The following FIGN variants were observed in gnomAD, a reference collection of about 807,000 sequenced individuals.
FIGN encodes the protein fidgetin, microtubule severing factor.
In FIGN, 11 loss-of-function variants were observed where a neutral mutation model predicts 51.3. The observed-to-expected ratio is 0.21, with a 90% CI of 0.13 to 0.35. The LOEUF (loss-of-function observed/expected upper bound fraction) is 0.35. Among genes scored for constraint, FIGN ranks in the 10% least tolerant of loss-of-function variants. The pLI is 1.00. For missense variants in FIGN, 857 were observed against 943.6 expected (o/e 0.91, Z 1.20); for synonymous variants, 407 against 363.2 (o/e 1.12, Z -1.37).
In FIGN at chr2:163,607,571, G is replaced by A. The variant is rs373124069; in HGVS notation, c.*1981C>T. Reference sequence around the variant, plus strand: ...AGAATTGGATATTGTGGATAAGATCGGTAAAAATTTTTGTAAGAAAAAAAA... The same window carrying A: ...AGAATTGGATATTGTGGATAAGATCAGTAAAAATTTTTGTAAGAAAAAAAA... On this transcript the variant is annotated 3_prime_UTR_variant, in exon 3 of 3. Transcript: ENST00000333129. The A allele has an allele frequency of 1.3e-5, 2 of 152,338 alleles. No homozygotes were observed. Among genetic ancestry groups the A allele is most frequent in the African/African-American group, 2.4e-5 (1 of 41,450 alleles). 9.4% of individuals were successfully genotyped at this position (152,338 alleles called of 1,614,324 possible).
At chr2:163,707,431 C>T (rs1345683746) in intron 2 of FIGN, among the ~76,000 whole-genome samples, 1 of 151,958 alleles carries the variant, frequency 6.6e-6, no homozygotes, top group Non-Finnish European at 1.5e-5. Flanking sequence ...GTAAACTCTG[C>T]CTGATATCAG....
rs139962418 is a variant in FIGN at position 163,700,409 on chromosome 2, G to A, written c.25+34494C>T. 6.7e-3 allele frequency among the ~76,000 whole-genome samples: 1,021 copies of A among 152,162 alleles called. 3 individuals carry two copies. The highest frequency in any genetic ancestry group is 0.01 in the Middle Eastern group (3 of 294). ...AAGAAGGAAGGGGACACTGGGGCAG[G>A]GCTCTGAAATATAGTTTCATAGGAT... On this transcript the variant is annotated intron_variant, in intron 2 of 2. Coordinates refer to ENST00000333129, the MANE Select transcript of FIGN (RefSeq NM_018086.4).
intron 2 of FIGN, among the ~76,000 whole-genome samples, chr2:163,631,416 C>T (rs933318459): frequency 6.6e-6 from 1 of 152,130 alleles, no homozygotes; most frequent in African/African-American, 2.4e-5. Flanking sequence ...AATTAGAATG[C>T]TAAACTATCC....
intron 2 of FIGN, among the ~76,000 whole-genome samples, chr2:163,717,249 G>C (rs1030864413): frequency 6.6e-6 from 1 of 152,148 alleles, no homozygotes; most frequent in Non-Finnish European, 1.5e-5. Context: ...GTTAACTACG[G>C]AATTGAGAAT....
intron 2 of FIGN, among the ~76,000 whole-genome samples, chr2:163,725,678 A>G (rs560691240): frequency 6.6e-6 from 1 of 152,272 alleles, no homozygotes; most frequent in Non-Finnish European, 1.5e-5. Flanking sequence ...TTTACCTATA[A>G]GTTCTTTTTA....
At chr2:163,676,527 T>C (rs1383364903) in intron 2 of FIGN, among the ~76,000 whole-genome samples, 1 of 141,530 alleles carries the variant, frequency 7.1e-6, no homozygotes, top group African/African-American at 2.6e-5. Context: ...AGTTTTATAC[T>C]AATCTAAACC....
intron 2 of FIGN, among the ~76,000 whole-genome samples, chr2:163,650,556 A>G (rs1683456922): frequency 6.6e-6 from 1 of 151,908 alleles, no homozygotes. Context: ...CCAACCCCCA[A>G]CAGGCCCCAG....
chr2:163,704,973 C>T (rs1271546951), intron 2 of FIGN, among the ~76,000 whole-genome samples: 2 of 152,032 alleles, frequency 1.3e-5, no homozygotes, highest in Admixed American at 6.6e-5. Context: ...ATTAAAATAT[C>T]CTCACAGATT....
intron 2 of FIGN, 143 bp from the exon 3 acceptor site, chr2:163,611,949 T>A (rs1691272217): frequency 1.4e-5 from 9 of 644,186 alleles, no homozygotes; most frequent in Non-Finnish European, 2.1e-5. Context: ...TTATAATACC[T>A]ATTATGATCC....
At chr2:163,637,537 C>T (rs1179363524) in intron 2 of FIGN, among the ~76,000 whole-genome samples, 2 of 151,816 alleles carry the variant, frequency 1.3e-5, no homozygotes, top group Non-Finnish European at 2.9e-5. Flanking sequence ...TGAAGATAGA[C>T]AAAATTGTAG....
At chr2:163,653,444 A>G (rs1354195494) in intron 2 of FIGN, among the ~76,000 whole-genome samples, 2 of 152,068 alleles carry the variant, frequency 1.3e-5, no homozygotes, top group African/African-American at 2.4e-5. Context: ...TAAAAAAAGT[A>G]TTTTGGATAA....
At chr2:163,723,782 C>A (rs1221763220) in intron 2 of FIGN, among the ~76,000 whole-genome samples, 2 of 152,158 alleles carry the variant, frequency 1.3e-5, no homozygotes, top group African/African-American at 2.4e-5. Flanking sequence ...AAGAGAAAAG[C>A]ATTAGCTAAC....
intron 2 of FIGN, among the ~76,000 whole-genome samples, chr2:163,624,708 ATT>A (rs34598500): frequency 9.6e-5 from 14 of 145,484 alleles, no homozygotes; most frequent in African/African-American, 1.5e-4. Flanking sequence ...ATATATATAT[ATT>A]TTTTTTTTTC....
At chr2:163,660,812 TAC>T (rs1683651717) in intron 2 of FIGN, among the ~76,000 whole-genome samples, 4 of 85,580 alleles carry the variant, frequency 4.7e-5, no homozygotes, top group Non-Finnish European at 9.0e-5. Flanking sequence ...TACATATATA[TAC>T]ATATACATAT....
At chr2:163,644,410 G>A (rs1010312596) in intron 2 of FIGN, among the ~76,000 whole-genome samples, 1 of 152,146 alleles carries the variant, frequency 6.6e-6, no homozygotes, top group African/African-American at 2.4e-5. Context: ...AGGAGGGCTA[G>A]AATCAAAAAG....
chr2:163,697,915 C>G (rs1190636546), intron 2 of FIGN, among the ~76,000 whole-genome samples: 1 of 152,220 alleles, frequency 6.6e-6, no homozygotes, highest in African/African-American at 2.4e-5. Flanking sequence ...CCTCCAATCT[C>G]TCTATCTTCA....
intron 2 of FIGN, among the ~76,000 whole-genome samples, chr2:163,619,547 G>A (rs532153284): frequency 2.4e-4 from 36 of 152,122 alleles, no homozygotes; most frequent in South Asian, 1.0e-3. Flanking sequence ...CAAGTGTAAC[G>A]GTGACTATTT....
chr2:163,622,054 G>A (rs1484871353), intron 2 of FIGN, among the ~76,000 whole-genome samples: 1 of 152,156 alleles, frequency 6.6e-6, no homozygotes, highest in Non-Finnish European at 1.5e-5. Flanking sequence ...TTAATCACAT[G>A]AAAAACATAC....
At chr2:163,672,613 C>A (rs1683895403) in intron 2 of FIGN, among the ~76,000 whole-genome samples, 1 of 152,120 alleles carries the variant, frequency 6.6e-6, no homozygotes, top group South Asian at 2.1e-4. Flanking sequence ...AAGGAAAAAT[C>A]TACTATGTGA....
Sources: gnomAD v4.1 joint callset for allele counts (sites outside exome capture counted in the v4.1 genomes callset) on GRCh38, gnomAD v4.1.1 for gene constraint, MANE v1.5 for transcripts, NCBI Gene and HGNC (gene_info 2026-07-23, HGNC 2026-07-21) for gene names.